CENPP: variants seen among roughly 807,000 people sequenced by gnomAD.
The protein encoded by CENPP is centromere protein P.
CENPP carries 24 observed loss-of-function variants against 35.6 expected under a neutral mutation model. That is an observed-to-expected ratio of 0.67 (90% confidence interval 0.49 to 0.95). The LOEUF is 0.95. Among genes scored for constraint, CENPP ranks in the 40% least tolerant of loss-of-function variants. CENPP has a pLI of 0.00. For synonymous variants in CENPP, 120 were observed against 125.5 expected (o/e 0.96, Z 0.29); for missense variants, 332 against 345.3 (o/e 0.96, Z 0.31).
At chr9:92,594,884 T>C (rs1047674163) in intron 5 of CENPP, among the ~76,000 whole-genome samples, 2 of 149,458 alleles carry the variant, frequency 1.3e-5, no homozygotes, top group African/African-American at 2.4e-5. Context: ...ATGTGAGAGG[T>C]TGCTCTTCTT....
At chr9:92,433,779 A>G (rs1238737741) in intron 5 of CENPP, among the ~76,000 whole-genome samples, 1 of 152,050 alleles carries the variant, frequency 6.6e-6, no homozygotes, top group Non-Finnish European at 1.5e-5. Context: ...TAGAACTACA[A>G]AAAGTAGCTG....
chr9:92,601,570 A>T (rs1361238565), intron 5 of CENPP, among the ~76,000 whole-genome samples: 1 of 152,194 alleles, frequency 6.6e-6, no homozygotes, highest in Non-Finnish European at 1.5e-5. Context: ...CCACGCTGTG[A>T]CCAAAAGGAC....
At chr9:92,543,196 G>C (rs546046088) in intron 5 of CENPP, among the ~76,000 whole-genome samples, 1 of 152,194 alleles carries the variant, frequency 6.6e-6, no homozygotes, top group African/African-American at 2.4e-5. Flanking sequence ...ATTGGTGCCA[G>C]CCTCGTGGCT....
At chr9:92,352,505 G>GTATA (rs1554753078) in intron 4 of CENPP, among the ~76,000 whole-genome samples, 8 of 49,754 alleles carry the variant, frequency 1.6e-4, no homozygotes, top group Non-Finnish European at 2.6e-4. Flanking sequence ...GTGTGTGTGT[G>GTATA]TATACATATA....
chr9:92,373,565 C>T (rs1485881024), intron 4 of CENPP, among the ~76,000 whole-genome samples: 1 of 152,062 alleles, frequency 6.6e-6, no homozygotes, highest in Non-Finnish European at 1.5e-5. Flanking sequence ...TGGTGGCTCA[C>T]GCCTGTAACC....
intron 5 of CENPP, among the ~76,000 whole-genome samples, chr9:92,523,329 G>T (rs573419356): frequency 1.3e-5 from 2 of 152,246 alleles, no homozygotes; most frequent in East Asian, 3.9e-4. Flanking sequence ...AATATTTGAG[G>T]CGTCATAGGC....
intron 5 of CENPP, among the ~76,000 whole-genome samples, chr9:92,393,557 T>G (rs1842774158): frequency 6.6e-6 from 1 of 152,214 alleles, no homozygotes; most frequent in Non-Finnish European, 1.5e-5. Flanking sequence ...TGAGCTTGAC[T>G]TATTAAGTTT....
intron 2 of CENPP, among the ~76,000 whole-genome samples, chr9:92,334,615 C>A (rs1840863388): frequency 1.3e-5 from 2 of 152,252 alleles, no homozygotes; most frequent in African/African-American, 4.8e-5. Context: ...TGCAGTGGCT[C>A]ACGCCTGTAA....
chr9:92,475,824 A>G (rs1329424766), intron 5 of CENPP, among the ~76,000 whole-genome samples: 2 of 151,894 alleles, frequency 1.3e-5, no homozygotes, highest in Non-Finnish European at 2.9e-5. Context: ...TCATCTTTCC[A>G]CTGAGTTCGG....
chr9:92,426,607 A>G (rs954760442), intron 5 of CENPP, among the ~76,000 whole-genome samples: 4 of 152,328 alleles, frequency 2.6e-5, no homozygotes, highest in African/African-American at 9.6e-5. Flanking sequence ...GCATGGGGGT[A>G]CGGGTCAACA....
intron 5 of CENPP, among the ~76,000 whole-genome samples, chr9:92,600,942 G>A (rs971033468): frequency 1.1e-4 from 16 of 152,108 alleles, no homozygotes; most frequent in East Asian, 3.9e-4. Flanking sequence ...TCTGACTTCC[G>A]TCCCCACACA....
At position 92,618,846 on chromosome 9, in the gene CENPP, TAGA is replaced by T; in HGVS notation, c.*5702_*5704del. The T allele has an allele frequency of 2.8e-6, 1 of 351,022 alleles. No individual in the cohort carries two copies. The highest frequency in any genetic ancestry group is 2.2e-5 in the South Asian group (1 of 45,306). 21.7% of individuals were successfully genotyped at this position (351,022 alleles called of 1,614,324 possible). On this transcript the variant is annotated 3_prime_UTR_variant, in exon 8 of 8. Transcript: ENST00000375587. Reference sequence around the variant, plus strand: ...GTCATCTTGACCCAGGAACACATGTTAGAAGAATGTGGAACATTCCGCAAATAC... The same window carrying T: ...GTCATCTTGACCCAGGAACACATGTTAGAATGTGGAACATTCCGCAAATAC...
At chr9:92,480,307 T>C (rs1267222390) in intron 5 of CENPP, among the ~76,000 whole-genome samples, 1 of 152,184 alleles carries the variant, frequency 6.6e-6, no homozygotes, top group Non-Finnish European at 1.5e-5. Context: ...GAGAGGTCTT[T>C]GAGACTTTCC....
chr9:92,579,539 A>G (rs1333678517), intron 5 of CENPP, among the ~76,000 whole-genome samples: 1 of 152,084 alleles, frequency 6.6e-6, no homozygotes, highest in African/African-American at 2.4e-5. Context: ...TTGGATTCCA[A>G]GGTATTTTAT....
chr9:92,533,303 C>CAAAAA (rs1174584000), intron 5 of CENPP, among the ~76,000 whole-genome samples: 8 of 29,886 alleles, frequency 2.7e-4, no homozygotes, highest in Non-Finnish European at 3.9e-4. Flanking sequence ...CGGTCTCAAA[C>CAAAAA]AAAAAAAAAA....
At chr9:92,336,080 T>C (rs932149858) in intron 2 of CENPP, among the ~76,000 whole-genome samples, 1 of 152,210 alleles carries the variant, frequency 6.6e-6, no homozygotes, top group Non-Finnish European at 1.5e-5. Context: ...CTCTTTAGTC[T>C]CCTTAATCTG....
intron 5 of CENPP, among the ~76,000 whole-genome samples, chr9:92,388,167 T>C (rs1842512489): frequency 6.6e-6 from 1 of 150,394 alleles, no homozygotes; most frequent in African/African-American, 2.5e-5. Flanking sequence ...GATCAGCTCC[T>C]TTTTTTTTGG....
At chr9:92,590,418 A>G (rs750792826) in intron 5 of CENPP, among the ~76,000 whole-genome samples, 5 of 152,362 alleles carry the variant, frequency 3.3e-5, no homozygotes, top group African/African-American at 4.8e-5. Flanking sequence ...AAAACAGTGT[A>G]GAATTCGTAT....
intron 5 of CENPP, among the ~76,000 whole-genome samples, chr9:92,607,635 T>C (rs1448574827): frequency 6.6e-6 from 1 of 152,220 alleles, no homozygotes; most frequent in Non-Finnish European, 1.5e-5. Context: ...GGGAAAATAT[T>C]AGTCAAGATG....
Sources: gnomAD v4.1 joint callset for allele counts (sites outside exome capture counted in the v4.1 genomes callset) on GRCh38, gnomAD v4.1.1 for gene constraint, MANE v1.5 for transcripts, NCBI Gene and HGNC (gene_info 2026-07-23, HGNC 2026-07-21) for gene names.